PCBP3: variants seen among roughly 807,000 people sequenced by gnomAD.
PCBP3 encodes poly(rC) binding protein 3, also known as poly(rC)-binding protein 3.
PCBP3 carries 25 observed loss-of-function variants against 52.7 expected under a neutral mutation model. The observed-to-expected ratio is 0.47, with a 90% CI of 0.35 to 0.66. PCBP3 has a LOEUF of 0.66. Among genes scored for constraint, PCBP3 ranks in the 30% least tolerant of loss-of-function variants. The pLI is 0.01. For missense variants in PCBP3, 391 were observed against 490.3 expected (o/e 0.80, Z 1.91); for synonymous variants, 162 against 183.0 (o/e 0.89, Z 0.93).
At chr21:45,842,066 A>G (rs1249067264) in intron 4 of PCBP3, among the ~76,000 whole-genome samples, 1 of 152,144 alleles carries the variant, frequency 6.6e-6, no homozygotes, top group African/African-American at 2.4e-5. Context: ...GGCTAGCTGA[A>G]TTTGTGTTTT....
rs113405469 is a variant in PCBP3, at chr21:45,702,675, C to T, written c.-199-32717C>T. On this transcript the variant is annotated intron_variant, in intron 2 of 17. Transcript: ENST00000681687. ...AGAGTCTTACCTGGATGTTAATGGC[C>T]GCTGACTGATCAGGGTGATGATAGT... Among the ~76,000 whole-genome samples, 748 of 152,260 alleles carry T rather than the reference C, an allele frequency of 4.9e-3. 3 individuals carry two copies. Among genetic ancestry groups the T allele is most frequent in the Non-Finnish European group, 8.2e-3 (556 of 68,020 alleles).
chr21:45,871,162 C>T (rs2094993049), intron 5 of PCBP3: 1 of 177,178 alleles, frequency 5.6e-6, no homozygotes, highest in Non-Finnish European at 1.2e-5. Flanking sequence ...GGGAACCCCC[C>T]AGGGAAGGCC....
In PCBP3 at chr21:45,724,354, G is replaced by A. The variant is rs191867335; in HGVS notation, c.-199-11038G>A. On this transcript the variant is annotated intron_variant, in intron 2 of 17. Coordinates refer to ENST00000681687, the MANE Select transcript of PCBP3 (RefSeq NM_001384156.1). This position sits in a 1 kb window ranked among gnomAD's most constrained non-coding sequence, Gnocchi z 5.3. ...AGTTATGAGAATGCAGTCTTTGGAA[G>A]TGGTGGGCTAAAACACTCCACAGGG... 6.6e-6 allele frequency among the ~76,000 whole-genome samples: 1 copy of A among 152,112 alleles called. No individual in the cohort carries two copies. The highest frequency in any genetic ancestry group is 2.4e-5 in the African/African-American group (1 of 41,502).
At chr21:45,790,921 T>A (rs1214598863) in intron 4 of PCBP3, among the ~76,000 whole-genome samples, 4 of 151,590 alleles carry the variant, frequency 2.6e-5, no homozygotes, top group Admixed American at 2.6e-4. Flanking sequence ...AAGAGAGTAG[T>A]AGGGGGAAGG....
chr21:45,856,872 GT>G (rs1024243198), intron 5 of PCBP3, among the ~76,000 whole-genome samples: 3 of 152,186 alleles, frequency 2.0e-5, no homozygotes, highest in African/African-American at 7.2e-5. Flanking sequence ...GTCCAGAAAG[GT>G]GGGACAACTC....
rs1411515904 is a variant in PCBP3, at chr21:45,914,017, G to A, written c.667G>A (p.Gly223Ser). Residue 223 changes from glycine to serine, a missense_variant, in exon 12 of 18, where the codon GGT becomes AGT. Coordinates refer to ENST00000681687, the MANE Select transcript of PCBP3 (RefSeq NM_001384156.1). ...CGCCTCCACCCCTGTCATTTTTGCA[G>A]GTGGTCAGGTAAGAGCCGATCCGCT... ...KPASTPVIFA[G>S]GQAYTIQGQY... 11 of 1,613,606 alleles carry A rather than the reference G, an allele frequency of 6.8e-6. No individual in the cohort carries two copies. The highest frequency in any genetic ancestry group is 9.3e-6 in the Non-Finnish European group (11 of 1,179,922).
intron 3 of PCBP3, among the ~76,000 whole-genome samples, chr21:45,744,592 T>C (rs1217422377): frequency 6.6e-6 from 1 of 152,236 alleles, no homozygotes; most frequent in Non-Finnish European, 1.5e-5. Flanking sequence ...TTCTCCAAAA[T>C]AGCTTTCATT....
intron 5 of PCBP3, among the ~76,000 whole-genome samples, chr21:45,856,953 C>G (rs911733867): frequency 2.6e-5 from 4 of 152,142 alleles, no homozygotes; most frequent in Non-Finnish European, 5.9e-5. Flanking sequence ...TGTCTAAAGA[C>G]CTGGGATCAT....
intron 2 of PCBP3, among the ~76,000 whole-genome samples, chr21:45,723,347 A>G (rs2148352902): frequency 6.6e-6 from 1 of 152,352 alleles, no homozygotes; most frequent in Middle Eastern, 3.4e-3. Flanking sequence ...AGAGTCTAGC[A>G]GATATATTTT....
chr21:45,793,551 C>T (rs1353318726), intron 4 of PCBP3, among the ~76,000 whole-genome samples: 2 of 152,138 alleles, frequency 1.3e-5, no homozygotes, highest in Non-Finnish European at 2.9e-5. Context: ...ATCGTCTCCC[C>T]GAGCACAGAG....
At chr21:45,789,811 A>G (rs1365697892) in intron 4 of PCBP3, among the ~76,000 whole-genome samples, 2 of 152,094 alleles carry the variant, frequency 1.3e-5, no homozygotes, top group Non-Finnish European at 2.9e-5. Context: ...GGGCCGAGTT[A>G]GGTTCTCGCC....
chr21:45,919,562 A>G (rs1467363440), intron 13 of PCBP3: 1 of 152,256 alleles, frequency 6.6e-6, no homozygotes, highest in African/African-American at 2.4e-5. Flanking sequence ...GCAACACATG[A>G]ATCAAATGGT....
intron 5 of PCBP3, among the ~76,000 whole-genome samples, chr21:45,884,312 A>AT (rs1272863507): frequency 1.3e-5 from 2 of 151,878 alleles, no homozygotes; most frequent in Non-Finnish European, 2.9e-5. Flanking sequence ...GTCAGTGTAC[A>AT]TTTTTTTGGA....
At chr21:45,697,365 T>A (rs187273036) in intron 2 of PCBP3, among the ~76,000 whole-genome samples, 1 of 152,356 alleles carries the variant, frequency 6.6e-6, no homozygotes, top group East Asian at 1.9e-4. Flanking sequence ...AAATTTATGC[T>A]CCAGCACAAA....
At chr21:45,890,526 A>G (rs1262147937) in intron 5 of PCBP3, among the ~76,000 whole-genome samples, 1 of 150,558 alleles carries the variant, frequency 6.6e-6, no homozygotes, top group African/African-American at 2.5e-5. Flanking sequence ...AGGGGAATGT[A>G]GATAACAGAA....
intron 4 of PCBP3, among the ~76,000 whole-genome samples, chr21:45,839,894 T>C (rs963966811): frequency 5.3e-5 from 8 of 151,942 alleles, no homozygotes; most frequent in African/African-American, 1.9e-4. Flanking sequence ...ACCATGTTGG[T>C]CAGCCTGGTC....
Position 45,650,673 on chromosome 21 carries a change from T to G in PCBP3, c.-279+6805T>G, listed in dbSNP as rs575730524. On this transcript the variant is annotated intron_variant, in intron 1 of 17. Coordinates refer to ENST00000681687, the MANE Select transcript of PCBP3 (RefSeq NM_001384156.1). ...TCTTGCTATGTTGCCCAGGCTGGTC[T>G]TCAACTCCTGGGCTCAAGAAATTCT... Among the ~76,000 whole-genome samples the G allele has an allele frequency of 2.0e-5, 3 of 152,324 alleles. No homozygotes were observed. In the East Asian group the frequency reaches 5.8e-4, roughly 29 times the overall value.
At chr21:45,652,402 T>C (rs1199108938) in intron 1 of PCBP3, among the ~76,000 whole-genome samples, 1 of 151,592 alleles carries the variant, frequency 6.6e-6, no homozygotes, top group Non-Finnish European at 1.5e-5. Flanking sequence ...AACTTGATCA[T>C]GCCAGCTTAT....
At chr21:45,722,475 A>G (rs1354080300) in intron 2 of PCBP3, among the ~76,000 whole-genome samples, 3 of 152,226 alleles carry the variant, frequency 2.0e-5, no homozygotes, top group Non-Finnish European at 4.4e-5. Context: ...GAGAAGAATT[A>G]TGTGAATATT....
Sources: gnomAD v4.1 joint callset for allele counts (sites outside exome capture counted in the v4.1 genomes callset) on GRCh38, gnomAD v4.1.1 for gene constraint, Gnocchi (gnomAD v3.1) non-coding constraint, MANE v1.5 for transcripts, NCBI Gene and HGNC (gene_info 2026-07-23, HGNC 2026-07-21) for gene names.